The following PAN3 variants were observed in gnomAD, a reference collection of about 807,000 sequenced individuals.
The protein encoded by PAN3 is PAN2-PAN3 deadenylation complex subunit PAN3.
A neutral mutation model predicts 96.2 loss-of-function variants in PAN3; 19 were observed. The ratio of observed to expected loss-of-function variants is 0.20; its 90% CI spans 0.14 to 0.29. The LOEUF is 0.29. Ranked by LOEUF, PAN3 falls within the 10% of genes least tolerant of loss-of-function variation. The pLI, the probability that PAN3 is intolerant of heterozygous loss-of-function variation, is 1.00. For synonymous variants in PAN3, 433 were observed against 406.6 expected, an observed-to-expected ratio of 1.06 and a Z score of -0.78; for missense variants, 882 against 1,108.1, an observed-to-expected ratio of 0.80 and a Z score of 2.90.
At position 28,260,546 on chromosome 13, in the gene PAN3, C is replaced by T. The variant is rs1885612625; in HGVS notation, c.1348C>T (p.Arg450Ter). The T allele has an allele frequency of 6.2e-7, 1 of 1,606,860 alleles. No homozygotes were observed. The highest frequency in any genetic ancestry group is 8.5e-7 in the Non-Finnish European group (1 of 1,173,584). ...APSFFMADEL[R>*]QELINRHLIT... is the part of the protein sequence containing the mutation. ...TTCCTTCTTCATGGCTGATGAACTC[C>T]GACAGGTATGCTTTCAGAATTCATA... Residue 450 changes from arginine (R) to a stop codon, truncating the protein, a stop_gained, in exon 8 of 19, where the codon CGA (arginine) becomes TGA (stop). Transcript: ENST00000380958. LOFTEE classifies it high-confidence loss of function.
chr13:28,180,523 ATGTC>A (rs1342474378), intron 4 of PAN3, among the ~76,000 whole-genome samples: 8 of 152,214 alleles, frequency 5.3e-5, no homozygotes, highest in African/African-American at 1.4e-4. Context: ...ATATGAAAAA[ATGTC>A]TGTTTAACGA....
At chr13:28,265,388 A>G (rs1012994219) in intron 9 of PAN3, among the ~76,000 whole-genome samples, 1 of 152,246 alleles carries the variant, frequency 6.6e-6, no homozygotes, top group Non-Finnish European at 1.5e-5. Context: ...ATTTAAGTAG[A>G]ACATGCCACT....
chr13:28,211,865 G>A (rs1880076096), intron 5 of PAN3, among the ~76,000 whole-genome samples: 1 of 152,182 alleles, frequency 6.6e-6, no homozygotes, highest in Non-Finnish European at 1.5e-5. Context: ...GATTAACCCA[G>A]CTTACTACCT....
chr13:28,140,383 C>T (rs1869569717), intron 1 of PAN3, among the ~76,000 whole-genome samples: 1 of 152,120 alleles, frequency 6.6e-6, no homozygotes, highest in African/African-American at 2.4e-5. Flanking sequence ...GTCCTACTTT[C>T]TTGGGAATTC....
chr13:28,261,917 T>A (rs1018389216), intron 9 of PAN3, among the ~76,000 whole-genome samples: 2 of 151,992 alleles, frequency 1.3e-5, no homozygotes, highest in African/African-American at 2.4e-5. Flanking sequence ...GACAGTATTC[T>A]AGTTCACAAA....
chr13:28,262,060 T>G (rs1297988887), intron 9 of PAN3, among the ~76,000 whole-genome samples: 3 of 152,218 alleles, frequency 2.0e-5, no homozygotes, highest in African/African-American at 7.2e-5. Flanking sequence ...TTTGTGAGAC[T>G]ACTGTGTGCC....
At chr13:28,161,282 T>G (rs1417279459) in intron 1 of PAN3, among the ~76,000 whole-genome samples, 2 of 152,224 alleles carry the variant, frequency 1.3e-5, no homozygotes, top group East Asian at 1.9e-4. Context: ...CTGGATTGCC[T>G]TCTTCTGAGG....
At chr13:28,168,189 C>G (rs1324197868) in intron 1 of PAN3, among the ~76,000 whole-genome samples, 5 of 152,074 alleles carry the variant, frequency 3.3e-5, no homozygotes, top group South Asian at 2.1e-4. Context: ...ATTTGAAATA[C>G]CTGGGGCAAG....
chr13:28,289,652 C>T lies in PAN3; in HGVS notation c.2523+1530C>T, dbSNP rs376587722. On this transcript the variant is annotated intron_variant, in intron 18 of 18. Transcript: ENST00000380958. Reference sequence around the variant, plus strand: ...ATCCCAGCACTTTGGGAGGCCACGGCGGGCGGATCACGAGGTCAGGAGATC... The same window carrying T: ...ATCCCAGCACTTTGGGAGGCCACGGTGGGCGGATCACGAGGTCAGGAGATC... Among the ~76,000 whole-genome samples the T allele has an allele frequency of 4.4e-4, 67 of 152,234 alleles. 1 individual carries two copies. In the East Asian group the frequency reaches 0.01, roughly 23 times the overall value.
intron 6 of PAN3, among the ~76,000 whole-genome samples, chr13:28,238,986 A>C (rs1369150612): frequency 6.6e-6 from 1 of 152,120 alleles, no homozygotes; most frequent in Admixed American, 6.5e-5. Flanking sequence ...TACTCTTTTC[A>C]ATCTTTTGAT....
intron 1 of PAN3, among the ~76,000 whole-genome samples, chr13:28,159,971 C>T (rs191634286): frequency 6.6e-6 from 1 of 151,496 alleles, no homozygotes; most frequent in South Asian, 2.1e-4. Context: ...CAGAGTCTCG[C>T]TCTATCACCC....
At chr13:28,233,268 C>CT (rs773196328) in intron 6 of PAN3, among the ~76,000 whole-genome samples, 1,635 of 132,318 alleles carry the variant, frequency 0.012, 15 homozygotes, top group African/African-American at 0.028. Context: ...AATTATGACA[C>CT]TTTTTTTTTT....
At chr13:28,141,758 C>T (rs1054968693) in intron 1 of PAN3, among the ~76,000 whole-genome samples, 4 of 152,004 alleles carry the variant, frequency 2.6e-5, no homozygotes, top group Non-Finnish European at 4.4e-5. Context: ...CCGCACCTGG[C>T]CGAGGATTTT....
chr13:28,280,009 G>T (rs1369671956), intron 15 of PAN3, among the ~76,000 whole-genome samples: 1 of 151,838 alleles, frequency 6.6e-6, no homozygotes, highest in Admixed American at 6.6e-5. Flanking sequence ...GTGTTGGCCA[G>T]GCTGGTCTTA....
At chr13:28,187,218 T>C (rs1329382834) in intron 4 of PAN3, among the ~76,000 whole-genome samples, 4 of 150,724 alleles carry the variant, frequency 2.7e-5, no homozygotes, top group African/African-American at 9.8e-5. Flanking sequence ...TCCCAGCTAC[T>C]TGGGAGACTG....
intron 5 of PAN3, 140 bp downstream of exon 5, chr13:28,197,486 A>ACCT: frequency 1.4e-6 from 1 of 713,636 alleles, no homozygotes; most frequent in Non-Finnish European, 2.2e-6. Context: ...TAATCAGAAT[A>ACCT]AAGTTAGTGA....
At chr13:28,164,884 C>T (rs1308508109) in intron 1 of PAN3, among the ~76,000 whole-genome samples, 1 of 152,118 alleles carries the variant, frequency 6.6e-6, no homozygotes, top group Non-Finnish European at 1.5e-5. Context: ...TGTTAATAGT[C>T]ATGGGGTAAC....
chr13:28,173,012 G>A (rs185903921), intron 1 of PAN3, among the ~76,000 whole-genome samples: 1 of 152,308 alleles, frequency 6.6e-6, no homozygotes, highest in East Asian at 1.9e-4. Flanking sequence ...AGGTAAAATG[G>A]GGGGACAGGG....
chr13:28,144,086 G>A (rs762077545), intron 1 of PAN3, among the ~76,000 whole-genome samples: 71 of 151,858 alleles, frequency 4.7e-4, no homozygotes, highest in Non-Finnish European at 7.4e-5. Flanking sequence ...AAGGTGGTAA[G>A]CTCTGATTAA....
Sources: allele counts gnomAD v4.1 joint callset (sites outside exome capture counted in the v4.1 genomes callset), GRCh38; gene constraint gnomAD v4.1.1; transcripts MANE v1.5; gene names NCBI Gene and HGNC (gene_info 2026-07-23, HGNC 2026-07-21).